SMPDL3A: variants seen among roughly 807,000 people sequenced by gnomAD.
The protein encoded by SMPDL3A is sphingomyelin phosphodiesterase acid like 3A.
SMPDL3A carries 39 observed loss-of-function variants against 38.5 expected under a neutral mutation model. The ratio of observed to expected loss-of-function variants is 1.01; its 90% CI spans 0.78 to 1.32. The LOEUF is 1.32. Among genes scored for constraint, SMPDL3A ranks in the 40% most tolerant of loss-of-function variants. SMPDL3A has a pLI of 0.00. For synonymous variants in SMPDL3A, 180 were observed against 194.3 expected (o/e 0.93, Z 0.61); for missense variants, 502 against 536.2 (o/e 0.94, Z 0.63).
chr6:122,791,894 C>T (rs1781090365), intron 1 of SMPDL3A, among the ~76,000 whole-genome samples: 2 of 152,154 alleles, frequency 1.3e-5, no homozygotes, highest in African/African-American at 4.8e-5. Context: ...GGGGTTTCAC[C>T]GTGTTAGCCA....
chr6:122,806,380 T>G (rs754232297), intron 7 of SMPDL3A, 23 bp downstream of exon 7: 14 of 1,589,990 alleles, frequency 8.8e-6, no homozygotes, highest in Non-Finnish European at 1.1e-5. Flanking sequence ...ATTTCAGAGC[T>G]GACCCCATAT....
chr6:122,799,865 A>G (rs1295816471), intron 3 of SMPDL3A, among the ~76,000 whole-genome samples: 1 of 152,184 alleles, frequency 6.6e-6, no homozygotes, highest in Non-Finnish European at 1.5e-5. Flanking sequence ...AAGAGAGTGA[A>G]GAAGGGGTTT....
intron 4 of SMPDL3A, among the ~76,000 whole-genome samples, chr6:122,803,241 G>A (rs2046446): frequency 0.83 from 126,436 of 152,114 alleles, 53,261 homozygotes; most frequent in East Asian, 0.99. Context: ...CTTTTTTTCC[G>A]AGTAGTCTCT....
chr6:122,807,930 C>T (rs748918600), intron 7 of SMPDL3A, among the ~76,000 whole-genome samples: 17 of 152,096 alleles, frequency 1.1e-4, no homozygotes, highest in African/African-American at 2.4e-4. Flanking sequence ...CACACACACA[C>T]GTATATATCC....
chr6:122,801,626 A>G (rs561481191), intron 4 of SMPDL3A, among the ~76,000 whole-genome samples: 2 of 151,894 alleles, frequency 1.3e-5, no homozygotes, highest in Non-Finnish European at 2.9e-5. Context: ...TTCTTCTTCT[A>G]CTCTTAATTA....
At chr6:122,796,727 G>T in intron 2 of SMPDL3A, 97 bp from the exon 3 acceptor site, 1 of 903,452 alleles carries the variant, frequency 1.1e-6, no homozygotes. Context: ...TTTTAAAATG[G>T]AAGTCTGCAG....
At chr6:122,807,287 A>G (rs1781658702) in intron 7 of SMPDL3A, among the ~76,000 whole-genome samples, 1 of 152,162 alleles carries the variant, frequency 6.6e-6, no homozygotes, top group African/African-American at 2.4e-5. Flanking sequence ...TCACGAGGTC[A>G]GGAAATCGAG....
rs955552150 is a variant in SMPDL3A, at chr6:122,789,541, G to T, written c.112+83G>T. 12 of 1,218,404 alleles carry T rather than the reference G, an allele frequency of 9.8e-6. No individual in the cohort carries two copies. The African/African-American group carries it at 1.2e-4, about 13-fold the overall frequency. The allele number at this position is 1,218,404 out of a possible 1,614,324, so 75.5% of individuals were successfully genotyped here. ...CTGCGCACAGCAGGAGAAAGTGCGT[G>T]GGGGCAGCTGCCCCCGGCAGAGGCT... On this transcript the variant is annotated intron_variant, in intron 1 of 7. Transcript: ENST00000368440.
chr6:122,802,195 CTT>C (rs3031702), intron 4 of SMPDL3A, among the ~76,000 whole-genome samples: 32,163 of 123,442 alleles, frequency 0.26, 3,178 homozygotes, highest in Middle Eastern at 0.36. Flanking sequence ...TATATCTAGT[CTT>C]TTTTTTTTTT....
intron 6 of SMPDL3A, among the ~76,000 whole-genome samples, chr6:122,805,943 C>G (rs531996776): frequency 6.6e-6 from 1 of 152,314 alleles, no homozygotes; most frequent in South Asian, 2.1e-4. Flanking sequence ...ATCTCAAACA[C>G]TGGATCCATT....
chr6:122,801,224 G>A (rs767171369), intron 3 of SMPDL3A, 86 bp from the exon 4 acceptor site: 45 of 875,880 alleles, frequency 5.1e-5, no homozygotes, highest in Non-Finnish European at 7.8e-5. Flanking sequence ...GATGCCTAAC[G>A]TAGTAGTCAG....
intron 6 of SMPDL3A, 29 bp from the exon 7 acceptor site, chr6:122,806,204 G>A: frequency 2.5e-6 from 4 of 1,575,102 alleles, no homozygotes; most frequent in Non-Finnish European, 2.6e-6. Flanking sequence ...ATTTAAAAAT[G>A]TATGTTTATG....
rs79742468 is a variant in SMPDL3A, at chr6:122,809,703, G to A, written c.*295G>A. 5,161 of 217,726 alleles carry A rather than the reference G, an allele frequency of 0.024. 357 individuals carry two copies. Among genetic ancestry groups the A allele is most frequent in the Admixed American group, 0.16 (3,134 of 19,270 alleles). 13.5% of individuals were successfully genotyped at this position (217,726 alleles called of 1,614,324 possible). ...GAAATTGTCATTTATACAATAAAGC[G>A]AATTCTTTATCTCTAAATATGATGA... On this transcript the variant is annotated 3_prime_UTR_variant, in exon 8 of 8. Transcript: ENST00000368440.
Position 122,801,364 on chromosome 6 carries a change from A to G in SMPDL3A, c.526A>G (p.Lys176Glu). Residue 176 changes from lysine (K) to glutamate (E), a missense_variant, in exon 4 of 8, where the codon AAA (lysine) becomes GAA (glutamate). Physicochemically the swap from Lys to Glu is moderately conservative, Grantham distance 56 (BLOSUM62 1). Transcript: ENST00000368440. Reference protein sequence around the residue: ...KVYNAVANLWKPWLDEEAIST... With the variant: ...KVYNAVANLWEPWLDEEAIST... ...GTACAATGCAGTAGCAAACCTCTGGAAACCATGGCTAGATGAAGAAGCTAT... is the reference window on the plus strand; with the variant it reads ...GTACAATGCAGTAGCAAACCTCTGGGAACCATGGCTAGATGAAGAAGCTAT... 3 of 1,613,586 alleles carry G rather than the reference A, an allele frequency of 1.9e-6. No individual in the cohort carries two copies. Among genetic ancestry groups the G allele is most frequent in the Non-Finnish European group, 2.5e-6 (3 of 1,179,494 alleles).
At chr6:122,793,359 G>C (rs1781138715) in intron 1 of SMPDL3A, among the ~76,000 whole-genome samples, 3 of 152,158 alleles carry the variant, frequency 2.0e-5, no homozygotes, top group Admixed American at 2.0e-4. Flanking sequence ...ATTAGTGGGT[G>C]GTGGAGCTTG....
chr6:122,803,969 T>A, intron 5 of SMPDL3A, 136 bp downstream of exon 5: 2 of 634,846 alleles, frequency 3.2e-6, no homozygotes, highest in Non-Finnish European at 5.2e-6. Context: ...ACTTTACAAC[T>A]CATGGATTTT....
intron 1 of SMPDL3A, among the ~76,000 whole-genome samples, chr6:122,790,120 C>T (rs545003694): frequency 6.6e-6 from 1 of 152,274 alleles, no homozygotes; most frequent in East Asian, 1.9e-4. Flanking sequence ...GCACTTAACA[C>T]AGTGCCCGTT....
chr6:122,807,090 G>GA (rs1346324702), intron 7 of SMPDL3A, among the ~76,000 whole-genome samples: 1 of 151,266 alleles, frequency 6.6e-6, no homozygotes, highest in African/African-American at 2.4e-5. Context: ...ATGGGGGGGG[G>GA]GGGTCTCCCT....
At chr6:122,802,690 G>A (rs1781465867) in intron 4 of SMPDL3A, among the ~76,000 whole-genome samples, 1 of 152,184 alleles carries the variant, frequency 6.6e-6, no homozygotes, top group African/African-American at 2.4e-5. Flanking sequence ...AGCCATATGA[G>A]TTTCATAATG....
Sources: allele counts gnomAD v4.1 joint callset (sites outside exome capture counted in the v4.1 genomes callset), GRCh38; gene constraint gnomAD v4.1.1; transcripts MANE v1.5; gene names NCBI Gene and HGNC (gene_info 2026-07-23, HGNC 2026-07-21).